Variants in SRPRA observed in about 807,000 individuals in gnomAD.
SRPRA encodes signal recognition particle receptor subunit alpha.
SRPRA carries 30 observed loss-of-function variants against 61.1 expected under a neutral mutation model. The observed-to-expected ratio is 0.49, with a 90% CI of 0.37 to 0.67. SRPRA has a LOEUF of 0.67. Ranked by LOEUF, SRPRA falls within the 30% of genes least tolerant of loss-of-function variation. The probability of loss-of-function intolerance (pLI) is 0.00; values close to 1 mark genes in which losing one functional copy is unlikely to be tolerated. For missense variants in SRPRA, 759 were observed against 828.4 expected (o/e 0.92, Z 1.03); for synonymous variants, 324 against 299.7 (o/e 1.08, Z -0.84).
At chr11:126,257,290 TC>T in the SRPRA span, among the ~76,000 whole-genome samples, 2 of 152,138 alleles carry the variant, frequency 1.3e-5, no homozygotes, top group East Asian at 3.8e-4. Flanking sequence ...GACCTAGAAA[TC>T]CCATCAAAAC....
chr11:126,266,372 C>T (rs1485599847), intron 6 of SRPRA, 94 bp from the exon 7 acceptor site: 2 of 1,589,958 alleles, frequency 1.3e-6, no homozygotes, highest in Non-Finnish European at 1.7e-6. Context: ...TTGGGAAGCT[C>T]CAAGTATAAC....
the SRPRA span, chr11:126,240,968 A>G: frequency 1.9e-6 from 3 of 1,614,172 alleles, no homozygotes; most frequent in Non-Finnish European, 2.5e-6. Context: ...GAGGAGAGCA[A>G]AAAGTTTCAG....
At chr11:126,260,663 A>G (rs1028194449), downstream of SRPRA, 1 of 152,198 alleles carries the variant, frequency 6.6e-6, no homozygotes, top group African/African-American at 2.4e-5. Context: ...GATCAGGAAC[A>G]TTTCAGTAAT....
At chr11:126,250,815 G>C in the SRPRA span, 1 of 1,113,488 alleles carries the variant, frequency 9.0e-7, no homozygotes, top group Non-Finnish European at 1.3e-6. This position sits in a 1 kb window ranked among gnomAD's most constrained non-coding sequence, Gnocchi z 5.1. Flanking sequence ...TTGGTATATT[G>C]GTATTTATGT....
the SRPRA span, chr11:126,254,228 C>T: frequency 5.6e-5 from 85 of 1,523,944 alleles, no homozygotes; most frequent in South Asian, 9.5e-4. Flanking sequence ...GTCCTCAAAA[C>T]AGCCTCTTGC....
chr11:126,248,358 C>CT, the SRPRA span, among the ~76,000 whole-genome samples: 17,109 of 36,160 alleles, frequency 0.47, 7,840 homozygotes, highest in East Asian at 0.7. Context: ...TAGTAGTTGA[C>CT]TTTTTTTTTT....
In SRPRA at chr11:126,265,116, T is replaced by G; in HGVS notation, c.1368A>C (p.Thr456=). ...GFSVLIAACD[T]FRAGAVEQLR... is the part of the protein sequence containing the mutation. Reference sequence around the variant, plus strand: ...GCTGCTCCACGGCCCCAGCACGAAATGTATCACAGGCAGCAATGAGGACAC... The same window carrying G: ...GCTGCTCCACGGCCCCAGCACGAAAGGTATCACAGGCAGCAATGAGGACAC... Residue 456 remains threonine (T), a synonymous_variant, in exon 11 of 14, where the codon ACA becomes ACC. Coordinates refer to ENST00000332118, the MANE Select transcript of SRPRA (RefSeq NM_003139.4). The surrounding 1 kb of genome is among the most constrained non-coding windows in gnomAD (Gnocchi z 6.3). 1 of 1,614,036 alleles carries G rather than the reference T, an allele frequency of 6.2e-7. No individual in the cohort carries two copies. The highest frequency in any genetic ancestry group is 8.5e-7 in the Non-Finnish European group (1 of 1,180,006).
the SRPRA span, among the ~76,000 whole-genome samples, chr11:126,244,387 C>T: frequency 6.6e-6 from 1 of 152,006 alleles, no homozygotes; most frequent in East Asian, 1.9e-4. This position sits in a 1 kb window ranked among gnomAD's most constrained non-coding sequence, Gnocchi z 4.5. Flanking sequence ...TTGGAGAATC[C>T]GGGATCAATA....
At chr11:126,241,258 A>G in the SRPRA span, 3 of 451,234 alleles carry the variant, frequency 6.6e-6, no homozygotes, top group East Asian at 3.1e-5. Flanking sequence ...CTGTGTGTCT[A>G]TGAGAGAGAA....
rs1172587531 is a variant in SRPRA at position 126,265,687 on chromosome 11, T to G, written c.1138+50A>C. On this transcript the variant is annotated intron_variant, in intron 9 of 13. Transcript: ENST00000332118. The surrounding 1 kb of genome is among the most constrained non-coding windows in gnomAD (Gnocchi z 6.3). ...CACATACCTAGTAAGAACTGAGGTCTATGCACTTAACCTACACATAAGCAC... is the reference window on the plus strand; with the variant it reads ...CACATACCTAGTAAGAACTGAGGTCGATGCACTTAACCTACACATAAGCAC... 1 of 1,589,130 alleles carries G rather than the reference T, an allele frequency of 6.3e-7. No individual in the cohort carries two copies. The highest frequency in any genetic ancestry group is 1.3e-5 in the African/African-American group (1 of 74,470).
chr11:126,252,503 T>A, the SRPRA span, among the ~76,000 whole-genome samples: 1 of 152,144 alleles, frequency 6.6e-6, no homozygotes, highest in East Asian at 1.9e-4. The surrounding 1 kb of genome is among the most constrained non-coding windows in gnomAD (Gnocchi z 4.7). Flanking sequence ...CCCAGCACTT[T>A]GGGAAGCTGA....
At chr11:126,257,686 AGT>A in the SRPRA span, among the ~76,000 whole-genome samples, 1 of 151,906 alleles carries the variant, frequency 6.6e-6, no homozygotes, top group Non-Finnish European at 1.5e-5. Context: ...TAGGATTTAA[AGT>A]GTTGATTTTT....
rs777140626 is a variant in SRPRA at position 126,265,313 on chromosome 11, G to C, written c.1266C>G (p.Thr422=). ...TCCCCACTCCATTAACGCCGCAGAA[G>C]GTGACGACATAAGGGCGCTGGCGAC... ...AQRRQRPYVV[T]FCGVNGVGKS... Residue 422 remains threonine, a synonymous_variant, in exon 10 of 14, where the codon ACC becomes ACG. Transcript: ENST00000332118. This position sits in a 1 kb window ranked among gnomAD's most constrained non-coding sequence, Gnocchi z 6.3. The C allele has an allele frequency of 1.2e-5, 19 of 1,614,052 alleles. No individual in the cohort carries two copies. Among genetic ancestry groups the C allele is most frequent in the Non-Finnish European group, 1.5e-5 (18 of 1,180,054 alleles).
downstream of SRPRA, among the ~76,000 whole-genome samples, chr11:126,261,729 C>T (rs186341958): frequency 2.0e-3 from 300 of 152,286 alleles, 2 homozygotes; most frequent in African/African-American, 6.4e-3. Flanking sequence ...TGGCTCAGGC[C>T]TGTAATCCCA....
At position 126,267,485 on chromosome 11, in the gene SRPRA, C is replaced by T. The variant is rs774846878; in HGVS notation, c.365+64G>A. 2 of 1,602,592 alleles carry T rather than the reference C, an allele frequency of 1.2e-6. No individual in the cohort carries two copies. Among genetic ancestry groups the T allele is most frequent in the Non-Finnish European group, 1.7e-6 (2 of 1,173,148 alleles). On this transcript the variant is annotated intron_variant, in intron 3 of 13. Coordinates refer to ENST00000332118, the MANE Select transcript of SRPRA (RefSeq NM_003139.4). This position sits in a 1 kb window ranked among gnomAD's most constrained non-coding sequence, Gnocchi z 4.2. Reference sequence around the variant, plus strand: ...AACACATCAATTTACCACCTTTGAACCACCTTCAGAGAGGTCATCAAATCA... The same window carrying T: ...AACACATCAATTTACCACCTTTGAATCACCTTCAGAGAGGTCATCAAATCA...
At chr11:126,255,378 CTTTT>C in the SRPRA span, among the ~76,000 whole-genome samples, 1 of 152,006 alleles carries the variant, frequency 6.6e-6, no homozygotes, top group African/African-American at 2.4e-5. The surrounding 1 kb of genome is among the most constrained non-coding windows in gnomAD (Gnocchi z 4.6). Flanking sequence ...GCACAAGGGA[CTTTT>C]TTTTCTTTTT....
the SRPRA span, among the ~76,000 whole-genome samples, chr11:126,252,272 C>T: frequency 1.5e-4 from 23 of 152,188 alleles, no homozygotes; most frequent in African/African-American, 5.3e-4. This position sits in a 1 kb window ranked among gnomAD's most constrained non-coding sequence, Gnocchi z 4.7. Flanking sequence ...CAGGCATGAG[C>T]CACCACACCC....
rs1950768861 is a variant in SRPRA at position 126,264,561 on chromosome 11, C to T, written c.1526-22G>A. On this transcript the variant is annotated intron_variant, in intron 11 of 13. Coordinates refer to ENST00000332118, the MANE Select transcript of SRPRA (RefSeq NM_003139.4). The surrounding 1 kb of genome is among the most constrained non-coding windows in gnomAD (Gnocchi z 5.0). ...CGTGCTAGAGAAAGAAAGTAGTCAA[C>T]TCTGAACACCTGGACTACCACTCAT... 6.2e-7 allele frequency: 1 copy of T among 1,610,712 alleles called. No individual in the cohort carries two copies. Among genetic ancestry groups the T allele is most frequent in the Non-Finnish European group, 8.5e-7 (1 of 1,179,310 alleles).
chr11:126,265,185 CGT>C lies in SRPRA; in HGVS notation c.1312-15_1312-14del, dbSNP rs1491258594. The C allele has an allele frequency of 6.2e-7, 1 of 1,613,982 alleles. No individual in the cohort carries two copies. The highest frequency in any genetic ancestry group is 2.2e-5 in the East Asian group (1 of 44,888). ...ACCAGAAGGAAATCTGTGAAAAAGA[CGT>C]AAGAAAAGTCACCTAAAGCCAGGAT... On this transcript the variant is annotated splice_polypyrimidine_tract_variant and intron_variant, in intron 10 of 13. Coordinates refer to ENST00000332118, the MANE Select transcript of SRPRA (RefSeq NM_003139.4). This position sits in a 1 kb window ranked among gnomAD's most constrained non-coding sequence, Gnocchi z 6.3.
Sources: gnomAD v4.1 joint callset for allele counts (sites outside exome capture counted in the v4.1 genomes callset) on GRCh38, gnomAD v4.1.1 for gene constraint, Gnocchi (gnomAD v3.1) non-coding constraint, MANE v1.5 for transcripts, NCBI Gene and HGNC (gene_info 2026-07-23, HGNC 2026-07-21) for gene names.